The following TRIO variants were observed in gnomAD, a reference collection of about 807,000 sequenced individuals.
TRIO encodes trio Rho guanine nucleotide exchange factor.
In TRIO, 58 loss-of-function variants were observed where a neutral mutation model predicts 351.9. The observed-to-expected ratio is 0.16, with a 90% CI of 0.13 to 0.21. The LOEUF (loss-of-function observed/expected upper bound fraction) is 0.21. Among genes scored for constraint, TRIO ranks in the 10% least tolerant of loss-of-function variants. The pLI, the probability that TRIO is intolerant of heterozygous loss-of-function variation, is 1.00. For missense variants in TRIO, 3,201 were observed against 4,027.8 expected (o/e 0.79, Z 5.56); for synonymous variants, 1,758 against 1,595.7 (o/e 1.10, Z -2.42).
chr5:14,448,996 A>C (rs947158394), intron 34 of TRIO, among the ~76,000 whole-genome samples: 2 of 152,238 alleles, frequency 1.3e-5, no homozygotes, highest in African/African-American at 2.4e-5. Flanking sequence ...CTATCATTTC[A>C]AGACAGCAAT....
intron 1 of TRIO, among the ~76,000 whole-genome samples, chr5:14,218,650 A>G (rs1792378044): frequency 6.6e-6 from 1 of 152,242 alleles, no homozygotes; most frequent in African/African-American, 2.4e-5. Context: ...CCCTCCCCAC[A>G]GAGCTGTGGC....
intron 1 of TRIO, among the ~76,000 whole-genome samples, chr5:14,257,997 G>A (rs577044867): frequency 1.3e-5 from 2 of 152,204 alleles, no homozygotes; most frequent in Admixed American, 6.5e-5. Flanking sequence ...TTTCACAGAC[G>A]AGGAAGCGAA....
At chr5:14,375,323 A>G (rs562481952) in intron 19 of TRIO, among the ~76,000 whole-genome samples, 5 of 152,326 alleles carry the variant, frequency 3.3e-5, no homozygotes, top group South Asian at 4.1e-4. Context: ...AAGTTCACCC[A>G]TCTCTCAATA....
At position 14,498,758 on chromosome 5, in the gene TRIO, C is replaced by T. The variant is rs530474433; in HGVS notation, c.8332+118C>T. 1.5e-4 allele frequency: 224 copies of T among 1,462,166 alleles called. 1 individual carries two copies. In the African/African-American group the frequency reaches 2.6e-3, roughly 17 times the overall value. 90.6% of individuals were successfully genotyped at this position (1,462,166 alleles called of 1,614,324 possible). A position where few individuals can be genotyped will look rare whatever the true frequency, so the allele number is the denominator to read the frequency against. On this transcript the variant is annotated intron_variant, in intron 53 of 56. Coordinates refer to ENST00000344204, the MANE Select transcript of TRIO (RefSeq NM_007118.4). ...TGGCCTGAAAGATAGAACAATAAGT[C>T]ATTTGTGGGGCTTCAAAAGACAGTT...
At chr5:14,454,776 C>A (rs1389958216) in intron 34 of TRIO, among the ~76,000 whole-genome samples, 1 of 152,218 alleles carries the variant, frequency 6.6e-6, no homozygotes, top group East Asian at 1.9e-4. Flanking sequence ...TTGTTGGGTT[C>A]TTGGTCTCAC....
chr5:14,450,570 T>G (rs992925566), intron 34 of TRIO, among the ~76,000 whole-genome samples: 11 of 152,208 alleles, frequency 7.2e-5, no homozygotes, highest in South Asian at 4.1e-4. Flanking sequence ...GAATTTAACT[T>G]TCTCCTTCAT....
chr5:14,155,476 A>G (rs191213610), intron 1 of TRIO, among the ~76,000 whole-genome samples: 21 of 152,308 alleles, frequency 1.4e-4, no homozygotes, highest in Admixed American at 1.0e-3. Flanking sequence ...TTGGCAGTTA[A>G]AAAAATTATG....
chr5:14,292,770 T>A (rs1737023851), intron 5 of TRIO, among the ~76,000 whole-genome samples: 1 of 152,260 alleles, frequency 6.6e-6, no homozygotes, highest in South Asian at 2.1e-4. Context: ...TCTCTTTACT[T>A]ATCTGCTTCT....
chr5:14,396,445 T>TTTTTTTTTTG (rs1747597633), intron 28 of TRIO, among the ~76,000 whole-genome samples: 1 of 15,318 alleles, frequency 6.5e-5, no homozygotes, highest in Non-Finnish European at 1.2e-4. Flanking sequence ...CTATTTATCT[T>TTTTTTTTTTG]TTTTTTTTTT....
intron 1 of TRIO, among the ~76,000 whole-genome samples, chr5:14,199,508 A>G (rs1317431001): frequency 6.6e-6 from 1 of 152,224 alleles, no homozygotes; most frequent in Non-Finnish European, 1.5e-5. Context: ...AAACAGTAAA[A>G]CAAGTTCCAG....
intron 11 of TRIO, among the ~76,000 whole-genome samples, chr5:14,339,677 T>A (rs1020768279): frequency 1.3e-5 from 2 of 152,322 alleles, no homozygotes; most frequent in Middle Eastern, 6.8e-3. Context: ...CCCGTGTGAT[T>A]GGCATTCAAG....
Position 14,397,131 on chromosome 5 carries a change from C to T in TRIO, c.4400C>T (p.Ala1467Val). Reference sequence around the variant, plus strand: ...AGCGTGCCGAAGCGAGCCAATGATGCCATGCACCTCAGCATGCTGGAAGGT... The same window carrying T: ...AGCGTGCCGAAGCGAGCCAATGATGTCATGCACCTCAGCATGCTGGAAGGT... ...MLSVPKRANDAMHLSMLEGFD... is the reference protein window; with the variant it reads ...MLSVPKRANDVMHLSMLEGFD... The change falls in exon 29 of 57, where the codon GCC becomes GTC. Residue 1467 changes from alanine (A) to valine (V), a missense_variant. Around this residue, in one of 19 missense-constraint regions of TRIO, gnomAD observed 115 missense variants for 239.6 expected, o/e 0.48. Transcript: ENST00000344204. 6.2e-7 allele frequency: 1 copy of T among 1,607,968 alleles called. No individual in the cohort carries two copies. The highest frequency in any genetic ancestry group is 8.5e-7 in the Non-Finnish European group (1 of 1,177,990).
At position 14,291,237 on chromosome 5, in the gene TRIO, G is replaced by C. The variant is rs368322561; in HGVS notation, c.1053+9G>C. 2.6e-5 allele frequency: 41 copies of C among 1,607,236 alleles called. No homozygotes were observed. The highest frequency in any genetic ancestry group is 3.4e-5 in the Non-Finnish European group (40 of 1,175,848). The stretch of plus-strand genomic sequence containing the variant: ...AACAGGATGCTGAGAAGGTAAAGAC[G>C]GGGGAGGCTAATGCCTCAGTGGACA... On this transcript the variant is annotated intron_variant, in intron 5 of 56. Coordinates refer to ENST00000344204, the MANE Select transcript of TRIO (RefSeq NM_007118.4).
intron 44 of TRIO, 58 bp downstream of exon 44, chr5:14,481,342 C>G: frequency 6.2e-7 from 1 of 1,600,704 alleles, no homozygotes; most frequent in Non-Finnish European, 8.5e-7. Context: ...TTCCTAATCC[C>G]CAAGTGTCTC....
At chr5:14,493,558 G>T (rs1756652843) in intron 49 of TRIO, among the ~76,000 whole-genome samples, 1 of 152,118 alleles carries the variant, frequency 6.6e-6, no homozygotes, top group Admixed American at 6.5e-5. Flanking sequence ...TGTTCTAACT[G>T]CTCCACCAAC....
At chr5:14,226,100 G>A (rs1338158830) in intron 1 of TRIO, among the ~76,000 whole-genome samples, 1 of 152,144 alleles carries the variant, frequency 6.6e-6, no homozygotes, top group Admixed American at 6.5e-5. Flanking sequence ...GGTTAATGCC[G>A]GAGCTCACAC....
intron 1 of TRIO, among the ~76,000 whole-genome samples, chr5:14,229,426 G>C (rs1040294474): frequency 1.3e-5 from 2 of 152,232 alleles, no homozygotes; most frequent in Non-Finnish European, 2.9e-5. Context: ...CTGCAGTACT[G>C]TTGTAAGGCC....
At chr5:14,389,655 A>G (rs561038697) in intron 25 of TRIO, among the ~76,000 whole-genome samples, 5 of 152,262 alleles carry the variant, frequency 3.3e-5, no homozygotes, top group African/African-American at 1.2e-4. Flanking sequence ...AGGAAGCTTA[A>G]TTTCTCTGAA....
Position 14,487,702 on chromosome 5 carries a change from G to T in TRIO, c.7074G>T (p.Ser2358=). Residue 2358 remains serine (S), a synonymous_variant, in exon 48 of 57, where the codon TCG becomes TCT. Transcript: ENST00000344204. ...HPPVLVSSAA[S]SQAEADKMSG... is the part of the protein sequence containing the mutation. ...CCGTGCTGGTCTCCTCTGCAGCCTC[G>T]AGCCAGGCAGAGGCAGACAAGATGT... The T allele has an allele frequency of 1.4e-6, 2 of 1,436,904 alleles. No individual in the cohort carries two copies. Among genetic ancestry groups the T allele is most frequent in the South Asian group, 2.8e-5 (2 of 71,188 alleles). The allele number at this position is 1,436,904 out of a possible 1,614,324, so 89.0% of individuals were successfully genotyped here. A position where few individuals can be genotyped will look rare whatever the true frequency, so the allele number is the denominator to read the frequency against.
Sources: gnomAD v4.1 joint callset for allele counts (sites outside exome capture counted in the v4.1 genomes callset) on GRCh38, gnomAD v4.1.1 for gene constraint, gnomAD v4.1.1 regional missense constraint, MANE v1.5 for transcripts, NCBI Gene and HGNC (gene_info 2026-07-23, HGNC 2026-07-21) for gene names.